GRIK2: variants seen among roughly 807,000 people sequenced by gnomAD.
GRIK2 encodes glutamate receptor ionotropic, kainate 2.
Under a neutral mutation model 100.3 loss-of-function variants are expected in GRIK2, and 32 were observed. The observed-to-expected ratio is 0.32, with a 90% CI of 0.24 to 0.43. GRIK2 has a LOEUF of 0.43. GRIK2 is among the 20% of genes least tolerant of loss of function. GRIK2 has a pLI of 1.00. For missense variants in GRIK2, 843 were observed against 1,114.9 expected, an observed-to-expected ratio of 0.76 and a Z score of 3.47; for synonymous variants, 417 against 389.4, an observed-to-expected ratio of 1.07 and a Z score of -0.83.
At chr6:101,662,735 G>A (rs1412740398) in intron 4 of GRIK2, among the ~76,000 whole-genome samples, 1 of 151,862 alleles carries the variant, frequency 6.6e-6, no homozygotes, top group Admixed American at 6.6e-5. Context: ...CACTTCTATC[G>A]TGCTTTGGAG....
At chr6:101,830,790 T>C (rs1782629767) in intron 10 of GRIK2, among the ~76,000 whole-genome samples, 1 of 151,924 alleles carries the variant, frequency 6.6e-6, no homozygotes. Context: ...GTTCAGCCCC[T>C]GTAGAAAGCA....
rs1192976134 is a variant in GRIK2, at chr6:101,572,826, A to G, written c.116-49123A>G. On this transcript the variant is annotated intron_variant, in intron 2 of 16. Transcript: ENST00000369134. ...TGTTATTGTTGTTTATTATTTATTT[A>G]TTTATTTATTTATTTATTTATTTAT... Among the ~76,000 whole-genome samples the G allele has an allele frequency of 2.5e-3, 164 of 64,986 alleles. 1 individual carries two copies. The highest frequency in any genetic ancestry group is 7.3e-3 in the African/African-American group (158 of 21,730). The allele number at this position is 64,986 out of a possible 152,430, so 42.6% of individuals were successfully genotyped here.
At chr6:101,505,185 A>G (rs1298435809) in intron 2 of GRIK2, among the ~76,000 whole-genome samples, 1 of 151,972 alleles carries the variant, frequency 6.6e-6, no homozygotes, top group Non-Finnish European at 1.5e-5. Flanking sequence ...TTGTTCAATT[A>G]TCATACATTT....
intron 10 of GRIK2, among the ~76,000 whole-genome samples, chr6:101,843,189 T>TA (rs1446601327): frequency 6.6e-6 from 1 of 152,196 alleles, no homozygotes; most frequent in Admixed American, 6.5e-5. Context: ...GTAGATGCTT[T>TA]AAAACAATTT....
At chr6:102,041,444 C>CTCT (rs1770568263) in intron 15 of GRIK2, among the ~76,000 whole-genome samples, 1 of 151,228 alleles carries the variant, frequency 6.6e-6, no homozygotes, top group African/African-American at 2.4e-5. Context: ...TGAGGAGTCA[C>CTCT]TCTTATTAGA....
intron 14 of GRIK2, among the ~76,000 whole-genome samples, chr6:101,993,001 A>G (rs1037658299): frequency 6.6e-5 from 10 of 151,586 alleles, no homozygotes; most frequent in African/African-American, 1.9e-4. Flanking sequence ...GATACTTTCC[A>G]TAATTAAATA....
At chr6:101,546,815 G>GTTTTTT (rs1228943767) in intron 2 of GRIK2, among the ~76,000 whole-genome samples, 1 of 80,574 alleles carries the variant, frequency 1.2e-5, no homozygotes, top group Non-Finnish European at 2.7e-5. Context: ...TCATGTTTTT[G>GTTTTTT]TTTCTTTTTT....
chr6:101,980,605 T>A (rs1330570229), intron 14 of GRIK2, among the ~76,000 whole-genome samples: 1 of 151,934 alleles, frequency 6.6e-6, no homozygotes, highest in Non-Finnish European at 1.5e-5. Flanking sequence ...CTATGCACAT[T>A]TCTTTGGTCA....
intron 2 of GRIK2, among the ~76,000 whole-genome samples, chr6:101,407,845 T>C (rs907810740): frequency 6.6e-6 from 1 of 152,172 alleles, no homozygotes; most frequent in Non-Finnish European, 1.5e-5. Flanking sequence ...AGAAAATATA[T>C]ACAATAGTTG....
chr6:101,596,086 C>T (rs1778917327), intron 2 of GRIK2, among the ~76,000 whole-genome samples: 1 of 150,806 alleles, frequency 6.6e-6, no homozygotes, highest in Admixed American at 6.7e-5. Context: ...ACAGAGCAAA[C>T]AACTTCAAAT....
chr6:101,682,349 A>G (rs1172716522), intron 5 of GRIK2, among the ~76,000 whole-genome samples: 1 of 152,194 alleles, frequency 6.6e-6, no homozygotes, highest in Non-Finnish European at 1.5e-5. Context: ...TAGCTTTTCT[A>G]TCTAGAGAAT....
chr6:101,858,376 A>ATTTTTTTTT (rs66505184), intron 10 of GRIK2, among the ~76,000 whole-genome samples: 1 of 125,466 alleles, frequency 8.0e-6, no homozygotes. Context: ...CTCTCTCTCT[A>ATTTTTTTTT]TTTTTTTTTC....
intron 2 of GRIK2, among the ~76,000 whole-genome samples, chr6:101,430,016 G>A (rs892865784): frequency 4.6e-5 from 7 of 152,062 alleles, no homozygotes; most frequent in Non-Finnish European, 8.8e-5. Context: ...ACTGGTTCAG[G>A]AGCTCTTGCC....
chr6:101,886,647 T>A (rs570727751), intron 11 of GRIK2, among the ~76,000 whole-genome samples: 4 of 152,042 alleles, frequency 2.6e-5, no homozygotes, highest in African/African-American at 4.8e-5. Context: ...TTTTACCATT[T>A]TTCAAGAATG....
chr6:102,040,436 C>A (rs1481320792), intron 15 of GRIK2, among the ~76,000 whole-genome samples: 1 of 151,414 alleles, frequency 6.6e-6, no homozygotes, highest in African/African-American at 2.4e-5. Context: ...TGTACTTACC[C>A]ATAATTAGCC....
intron 10 of GRIK2, among the ~76,000 whole-genome samples, chr6:101,837,133 C>T (rs981658723): frequency 4.6e-5 from 7 of 152,094 alleles, no homozygotes; most frequent in East Asian, 1.9e-4. Flanking sequence ...GGTCATCTGA[C>T]GGTTAGACTT....
chr6:101,736,154 C>T (rs1214603665), intron 7 of GRIK2, among the ~76,000 whole-genome samples: 1 of 152,204 alleles, frequency 6.6e-6, no homozygotes, highest in Non-Finnish European at 1.5e-5. Context: ...GCCCCTGTGG[C>T]TTTGCAGAGT....
chr6:101,593,836 T>C (rs1164634088), intron 2 of GRIK2, among the ~76,000 whole-genome samples: 2 of 151,888 alleles, frequency 1.3e-5, no homozygotes, highest in Non-Finnish European at 2.9e-5. Flanking sequence ...GGGATATTTC[T>C]TTTTTCTCAT....
chr6:101,979,928 C>A (rs1562084820), intron 14 of GRIK2, among the ~76,000 whole-genome samples: 1 of 151,866 alleles, frequency 6.6e-6, no homozygotes, highest in Non-Finnish European at 1.5e-5. Context: ...ATTTCACAAG[C>A]AAGAACCAAT....
Sources: allele counts gnomAD v4.1 joint callset (sites outside exome capture counted in the v4.1 genomes callset), GRCh38; gene constraint gnomAD v4.1.1; transcripts MANE v1.5; gene names NCBI Gene and HGNC (gene_info 2026-07-23, HGNC 2026-07-21).